The following GLG1 variants were observed in gnomAD, a reference collection of about 807,000 sequenced individuals.
The protein encoded by GLG1 is Golgi apparatus protein 1.
A neutral mutation model predicts 160.5 loss-of-function variants in GLG1; 38 were observed. The ratio of observed to expected loss-of-function variants is 0.24; its 90% CI spans 0.18 to 0.31. GLG1 has a LOEUF of 0.31. GLG1 is among the 10% of genes least tolerant of loss of function. GLG1 has a pLI of 1.00. For synonymous variants in GLG1, 644 were observed against 543.4 expected (o/e 1.19, Z -2.57); for missense variants, 1,373 against 1,505.2 (o/e 0.91, Z 1.45).
chr16:74,474,245 C>G, intron 13 of GLG1: 1 of 227,040 alleles, frequency 4.4e-6, no homozygotes. Flanking sequence ...AGCCACCGCT[C>G]CCGGCCGTAC....
intron 4 of GLG1, among the ~76,000 whole-genome samples, chr16:74,499,878 C>G (rs1183024888): frequency 6.6e-6 from 1 of 152,156 alleles, no homozygotes; most frequent in Non-Finnish European, 1.5e-5. Flanking sequence ...TGGCAGGCAC[C>G]TGTAGTCCCA....
chr16:74,517,338 A>G (rs1187073511), intron 2 of GLG1, among the ~76,000 whole-genome samples: 3 of 152,190 alleles, frequency 2.0e-5, no homozygotes, highest in Non-Finnish European at 4.4e-5. Context: ...GCACATCAAA[A>G]AGCTTATCCA....
intron 2 of GLG1, among the ~76,000 whole-genome samples, chr16:74,510,653 T>C (rs1197968919): frequency 6.6e-6 from 1 of 152,192 alleles, no homozygotes; most frequent in Non-Finnish European, 1.5e-5. Context: ...GTTAAATATC[T>C]GCTTGGCAAT....
At chr16:74,459,624 G>T in intron 23 of GLG1, 58 bp downstream of exon 23, 1 of 881,562 alleles carries the variant, frequency 1.1e-6, no homozygotes, top group Non-Finnish European at 1.8e-6. Flanking sequence ...GCATTAAAAG[G>T]AAGAAGAGAA....
intron 1 of GLG1, among the ~76,000 whole-genome samples, chr16:74,565,035 T>C (rs942743920): frequency 2.6e-5 from 4 of 152,136 alleles, no homozygotes; most frequent in African/African-American, 9.7e-5. Context: ...CCTCTCAAAA[T>C]TGACAAACAA....
chr16:74,520,471 T>C (rs1399733594), intron 2 of GLG1, among the ~76,000 whole-genome samples: 1 of 152,148 alleles, frequency 6.6e-6, no homozygotes, highest in Non-Finnish European at 1.5e-5. Flanking sequence ...ACCCTATCTC[T>C]ACTAAGAATA....
intron 25 of GLG1, among the ~76,000 whole-genome samples, chr16:74,453,578 T>A (rs931040755): frequency 6.6e-6 from 1 of 152,122 alleles, no homozygotes; most frequent in Non-Finnish European, 1.5e-5. Flanking sequence ...CACCCACAAT[T>A]CCATCACAGT....
Position 74,604,752 on chromosome 16 carries a change from T to C in GLG1, c.438+1905A>G, listed in dbSNP as rs934013535. ...GAATGAAATTTCCTTTCGCTGTCTT[T>C]AAAGAAAAAGAAAATAGGGTGGGGG... On this transcript the variant is annotated intron_variant, in intron 1 of 25. Coordinates refer to ENST00000422840, the MANE Select transcript of GLG1 (RefSeq NM_001145667.2). Among the ~76,000 whole-genome samples the C allele has an allele frequency of 4.0e-5, 6 of 151,672 alleles. No individual in the cohort carries two copies. In the East Asian group the frequency reaches 9.7e-4, roughly 24 times the overall value.
chr16:74,496,731 C>T, intron 4 of GLG1, 87 bp from the exon 5 acceptor site: 1 of 756,860 alleles, frequency 1.3e-6, no homozygotes, highest in South Asian at 1.5e-5. Flanking sequence ...CACACACACA[C>T]ACACACACAC....
intron 2 of GLG1, among the ~76,000 whole-genome samples, chr16:74,513,377 C>A (rs569091801): frequency 6.6e-6 from 1 of 152,106 alleles, no homozygotes; most frequent in African/African-American, 2.4e-5. Flanking sequence ...CTGGGAGACA[C>A]CTCCCAGTAG....
At chr16:74,564,889 G>C (rs975070223) in intron 1 of GLG1, among the ~76,000 whole-genome samples, 3 of 152,188 alleles carry the variant, frequency 2.0e-5, no homozygotes, top group African/African-American at 7.2e-5. Context: ...AGCATAAGGA[G>C]GTTGCCCCTG....
chr16:74,477,963 A>T (rs1473212094), intron 11 of GLG1, among the ~76,000 whole-genome samples: 1 of 151,314 alleles, frequency 6.6e-6, no homozygotes, highest in Non-Finnish European at 1.5e-5. Flanking sequence ...ACAAGAGCGA[A>T]ACTCCGTCTC....
At chr16:74,500,310 C>A (rs2016359091) in intron 4 of GLG1, among the ~76,000 whole-genome samples, 1 of 152,008 alleles carries the variant, frequency 6.6e-6, no homozygotes, top group African/African-American at 2.4e-5. Flanking sequence ...AATAAATTAT[C>A]CTATAAATGA....
rs2015054383 is a variant in GLG1, at chr16:74,467,825, T to A, written c.2460A>T (p.Pro820=). The A allele has an allele frequency of 6.2e-7, 1 of 1,613,132 alleles. No homozygotes were observed. Among genetic ancestry groups the A allele is most frequent in the Admixed American group, 1.7e-5 (1 of 59,954 alleles). Residue 820 remains proline (P), a synonymous_variant, in exon 18 of 26, where the codon CCA becomes CCT. Coordinates refer to ENST00000422840, the MANE Select transcript of GLG1 (RefSeq NM_001145667.2). ...LEMTEDIRLE[P]DLYEACKSDI... ...CACTCTTGCAGGCTTCGTATAGATC[T>A]GGCTCCAAGCGGATGTCCTCCGTCT...
chr16:74,468,221 A>G (rs2015068664), intron 17 of GLG1: 1 of 148,894 alleles, frequency 6.7e-6, no homozygotes. Context: ...TCCAGCTTGA[A>G]ATGTCTTTTT....
chr16:74,600,902 C>T (rs1958426380), intron 1 of GLG1, among the ~76,000 whole-genome samples: 1 of 152,194 alleles, frequency 6.6e-6, no homozygotes, highest in African/African-American at 2.4e-5. Flanking sequence ...TATATAATCG[C>T]TTCTCGATCA....
At chr16:74,464,832 G>GT (rs2014940494) in intron 19 of GLG1, among the ~76,000 whole-genome samples, 1 of 140,954 alleles carries the variant, frequency 7.1e-6, no homozygotes, top group Admixed American at 7.0e-5. Flanking sequence ...TTTAGTTTAA[G>GT]TTTAAAAAAA....
At chr16:74,585,585 G>C (rs765595959) in intron 1 of GLG1, among the ~76,000 whole-genome samples, 5 of 151,894 alleles carry the variant, frequency 3.3e-5, no homozygotes, top group African/African-American at 7.3e-5. Context: ...GTGTGCGCCT[G>C]TAGTCCCAGC....
chr16:74,551,190 C>T (rs2018188269), intron 1 of GLG1, among the ~76,000 whole-genome samples: 1 of 152,122 alleles, frequency 6.6e-6, no homozygotes, highest in African/African-American at 2.4e-5. Flanking sequence ...CTTCTTTTTC[C>T]TAAATTAGGT....
Sources: gnomAD v4.1 joint callset for allele counts (sites outside exome capture counted in the v4.1 genomes callset) on GRCh38, gnomAD v4.1.1 for gene constraint, MANE v1.5 for transcripts, NCBI Gene and HGNC (gene_info 2026-07-23, HGNC 2026-07-21) for gene names.